Variants in PPM1H observed in about 807,000 individuals in gnomAD.
PPM1H encodes protein phosphatase, Mg2+/Mn2+ dependent 1H.
PPM1H carries 27 observed loss-of-function variants against 54.9 expected under a neutral mutation model. That is an observed-to-expected ratio of 0.49 (90% confidence interval 0.36 to 0.68). PPM1H has a LOEUF of 0.68. Ranked by LOEUF, PPM1H falls within the 30% of genes least tolerant of loss-of-function variation. PPM1H has a pLI of 0.00. For synonymous variants in PPM1H, 305 were observed against 270.8 expected (o/e 1.13, Z -1.24); for missense variants, 596 against 667.8 (o/e 0.89, Z 1.19).
intron 4 of PPM1H, among the ~76,000 whole-genome samples, chr12:62,745,526 T>C (rs1436510510): frequency 1.3e-5 from 2 of 152,212 alleles, no homozygotes; most frequent in Non-Finnish European, 2.9e-5. Flanking sequence ...CCACCCTTCA[T>C]GACCCCATGT....
chr12:62,902,547 G>C (rs569599737), intron 1 of PPM1H, among the ~76,000 whole-genome samples: 3 of 152,122 alleles, frequency 2.0e-5, no homozygotes, highest in African/African-American at 7.2e-5. Flanking sequence ...GCCTGATAAG[G>C]CTCTCATGGG....
At chr12:62,651,406 C>T (rs2136593832) in intron 9 of PPM1H, among the ~76,000 whole-genome samples, 1 of 152,306 alleles carries the variant, frequency 6.6e-6, no homozygotes, top group Non-Finnish European at 1.5e-5. Flanking sequence ...GGAGAAATGA[C>T]TGGCTTTATT....
intron 5 of PPM1H, among the ~76,000 whole-genome samples, chr12:62,723,265 T>C (rs2076273011): frequency 6.6e-6 from 1 of 151,884 alleles, no homozygotes; most frequent in Non-Finnish European, 1.5e-5. Context: ...GTATGATTTC[T>C]ACCAAATGCA....
intron 4 of PPM1H, among the ~76,000 whole-genome samples, chr12:62,770,065 A>G (rs1214715614): frequency 2.7e-5 from 4 of 147,118 alleles, no homozygotes; most frequent in Admixed American, 2.7e-4. Context: ...TTCTTGCATG[A>G]CTCAACTTTC....
chr12:62,752,883 G>A (rs982896195), intron 4 of PPM1H, among the ~76,000 whole-genome samples: 1 of 152,198 alleles, frequency 6.6e-6, no homozygotes, highest in Non-Finnish European at 1.5e-5. Context: ...AACGAAGGAC[G>A]ATGATGCTAT....
intron 5 of PPM1H, among the ~76,000 whole-genome samples, chr12:62,733,235 C>T (rs984265819): frequency 6.6e-5 from 10 of 152,116 alleles, no homozygotes; most frequent in Admixed American, 5.9e-4. Context: ...ATTTTCCTCT[C>T]ATAGTTGATA....
chr12:62,832,821 A>T (rs566286832), intron 1 of PPM1H, among the ~76,000 whole-genome samples: 2 of 152,154 alleles, frequency 1.3e-5, no homozygotes, highest in Non-Finnish European at 1.5e-5. Context: ...AAATGGGTCA[A>T]AGGTTTACTC....
chr12:62,811,609 A>T (rs1565795864), intron 2 of PPM1H, among the ~76,000 whole-genome samples: 1 of 151,956 alleles, frequency 6.6e-6, no homozygotes, highest in Admixed American at 6.6e-5. Flanking sequence ...CGTGGGAGGG[A>T]CCCTGTCGGA....
At chr12:62,671,003 T>C (rs1332140018) in intron 8 of PPM1H, among the ~76,000 whole-genome samples, 1 of 152,178 alleles carries the variant, frequency 6.6e-6, no homozygotes, top group Non-Finnish European at 1.5e-5. Context: ...GCGCAAGTCA[T>C]CCCACTGTGT....
In PPM1H at chr12:62,801,877, T is replaced by A. The variant is rs370030873; in HGVS notation, c.695A>T (p.Glu232Val). The A allele has an allele frequency of 1.4e-5, 22 of 1,613,668 alleles. No homozygotes were observed. The highest frequency in any genetic ancestry group is 5.0e-5 in the Admixed American group (3 of 59,996). The stretch of plus-strand genomic sequence containing the variant: ...CAGGCACTCATGGGGAATCTTCTTC[T>A]CGGTAAAGAAGCGTGTGGGGGGCGT... ...PSTPPTRFFT[E>V]KKIPHECLVI... The change falls in exon 3 of 10, where the codon GAG (glutamate) becomes GTG (valine). Residue 232 changes from glutamate (E) to valine (V), a missense_variant. Physicochemically the swap from Glu to Val is moderately radical, Grantham distance 121. Coordinates refer to ENST00000228705, the MANE Select transcript of PPM1H (RefSeq NM_020700.2).
At chr12:62,803,024 G>A (rs2120751809) in intron 2 of PPM1H, among the ~76,000 whole-genome samples, 1 of 152,260 alleles carries the variant, frequency 6.6e-6, no homozygotes, top group South Asian at 2.1e-4. Flanking sequence ...CTTAAATGCT[G>A]GGATAATTGT....
chr12:62,841,985 C>T (rs1423692659), intron 1 of PPM1H, among the ~76,000 whole-genome samples: 1 of 152,052 alleles, frequency 6.6e-6, no homozygotes, highest in Non-Finnish European at 1.5e-5. Flanking sequence ...GTCCCCTTGG[C>T]AAAACCATTA....
intron 1 of PPM1H, among the ~76,000 whole-genome samples, chr12:62,853,596 G>A (rs911687798): frequency 6.0e-5 from 9 of 151,008 alleles, no homozygotes; most frequent in Admixed American, 2.0e-4. Flanking sequence ...TGGCTGCCAC[G>A]CAGAACTGTG....
chr12:62,839,438 T>G (rs10161476), intron 1 of PPM1H, among the ~76,000 whole-genome samples: 4,686 of 152,256 alleles, frequency 0.031, 207 homozygotes, highest in African/African-American at 0.1. Context: ...ATTTTCCAAT[T>G]TCTTTTGAAA....
intron 1 of PPM1H, among the ~76,000 whole-genome samples, chr12:62,875,112 T>C (rs914797363): frequency 6.6e-6 from 1 of 152,196 alleles, no homozygotes; most frequent in Admixed American, 6.5e-5. Context: ...TTTATATTTA[T>C]ACATGGATTC....
intron 4 of PPM1H, among the ~76,000 whole-genome samples, chr12:62,748,756 T>G (rs2076426191): frequency 1.3e-5 from 2 of 152,266 alleles, no homozygotes; most frequent in South Asian, 4.2e-4. Flanking sequence ...ATGTGAGTAA[T>G]TGGTGGTAGG....
At chr12:62,765,828 A>C (rs1001677808) in intron 4 of PPM1H, among the ~76,000 whole-genome samples, 9 of 152,234 alleles carry the variant, frequency 5.9e-5, no homozygotes, top group Admixed American at 5.9e-4. Flanking sequence ...TGTTCTTGAC[A>C]GAGGAGGAGG....
chr12:62,653,637 A>G (rs2075827463), intron 9 of PPM1H, among the ~76,000 whole-genome samples: 2 of 152,214 alleles, frequency 1.3e-5, no homozygotes, highest in Admixed American at 1.3e-4. Context: ...GTGAAGAAGA[A>G]TAAGTGCTTC....
chr12:62,925,056 G>A (rs1010498167), intron 1 of PPM1H, among the ~76,000 whole-genome samples: 4 of 152,052 alleles, frequency 2.6e-5, no homozygotes, highest in African/African-American at 9.7e-5. Context: ...TCAAAAAAAG[G>A]AAATGCACTC....
Sources: allele counts gnomAD v4.1 joint callset (sites outside exome capture counted in the v4.1 genomes callset), GRCh38; gene constraint gnomAD v4.1.1; transcripts MANE v1.5; gene names NCBI Gene and HGNC (gene_info 2026-07-23, HGNC 2026-07-21).